SASS6: variants seen among roughly 807,000 people sequenced by gnomAD.
The protein encoded by SASS6 is SAS-6 centriolar assembly protein.
Under a neutral mutation model 94.9 loss-of-function variants are expected in SASS6, and 59 were observed. The observed-to-expected ratio is 0.62, with a 90% confidence interval of 0.50 to 0.77. The LOEUF is 0.77. Among genes scored for constraint, SASS6 ranks in the 30% least tolerant of loss-of-function variants. The pLI is 0.00. For synonymous variants in SASS6, 264 were observed against 270.0 expected (o/e 0.98, Z 0.22); for missense variants, 698 against 734.1 (o/e 0.95, Z 0.57).
At chr1:100,095,956 C>T (rs1652076395) in intron 14 of SASS6, among the ~76,000 whole-genome samples, 6 of 152,152 alleles carry the variant, frequency 3.9e-5, no homozygotes, top group Admixed American at 3.3e-4. Flanking sequence ...TTGGAAGACA[C>T]AATACTGCCA....
At chr1:100,117,909 C>A (rs1653916276) in intron 7 of SASS6, among the ~76,000 whole-genome samples, 1 of 147,714 alleles carries the variant, frequency 6.8e-6, no homozygotes, top group African/African-American at 2.5e-5. Context: ...AAAAAATAAT[C>A]CATAGAAGAA....
chr1:100,085,716 T>C, intron 15 of SASS6, 86 bp from the exon 16 acceptor site: 1 of 732,226 alleles, frequency 1.4e-6, no homozygotes, highest in South Asian at 1.8e-5. Flanking sequence ...ATATATAAGA[T>C]AATGTAACTA....
Position 100,088,152 on chromosome 1 carries a change from T to A in SASS6, c.1759A>T (p.Thr587Ser). ...TTAAGCACTTACTTTTCCTTATCAG[T>A]TGAGCAAGGCATACTAATAGTTGCT... ...SGATISMPCS[T>S]DKENGENVGL... Residue 587 changes from threonine to serine, a missense_variant, in exon 15 of 17, where the codon ACT (threonine) becomes TCT (serine). Thr to Ser is a moderately conservative substitution (Grantham distance 58). Coordinates refer to ENST00000287482, the MANE Select transcript of SASS6 (RefSeq NM_194292.3). 1 of 1,579,650 alleles carries A rather than the reference T, an allele frequency of 6.3e-7. No homozygotes were observed. The highest frequency in any genetic ancestry group is 8.7e-7 in the Non-Finnish European group (1 of 1,149,474).
chr1:100,092,570 G>T (rs539936182), intron 14 of SASS6, among the ~76,000 whole-genome samples: 259 of 151,388 alleles, frequency 1.7e-3, no homozygotes, highest in African/African-American at 5.8e-3. Context: ...GAGTTTTTTT[G>T]TGTTTTTTTG....
intron 5 of SASS6, 132 bp from the exon 6 acceptor site, chr1:100,120,591 A>G (rs1654116812): frequency 1.8e-6 from 1 of 556,918 alleles, no homozygotes. Flanking sequence ...TCTCAAATCT[A>G]AATCATTTTA....
chr1:100,092,720 C>A (rs1047007515), intron 14 of SASS6, among the ~76,000 whole-genome samples: 2 of 151,998 alleles, frequency 1.3e-5, no homozygotes, highest in African/African-American at 4.8e-5. Context: ...ACACTACAGG[C>A]GCCCACCACC....
At position 100,110,444 on chromosome 1, in the gene SASS6, T is replaced by C. The variant is rs1646048078; in HGVS notation, c.709A>G (p.Lys237Glu). The C allele has an allele frequency of 6.2e-7, 1 of 1,610,668 alleles. No homozygotes were observed. Among genetic ancestry groups the C allele is most frequent in the African/African-American group, 1.3e-5 (1 of 74,768 alleles). ...QYQQQHEQQK[K>E]DLEILHQQNI... ...TGTTGATGGAGGATTTCTAAATCTT[T>C]TTTCTGTTGTTCATGCTGCTGTTGA... The change falls in exon 8 of 17, where the codon AAA (lysine) becomes GAA (glutamate). Residue 237 changes from lysine (K) to glutamate (E), a missense_variant. By Grantham distance (56) the Lys-to-Glu change is moderately conservative. Coordinates refer to ENST00000287482, the MANE Select transcript of SASS6 (RefSeq NM_194292.3).
intron 7 of SASS6, among the ~76,000 whole-genome samples, chr1:100,113,212 A>G (rs1653489935): frequency 1.3e-5 from 2 of 152,324 alleles, no homozygotes; most frequent in Admixed American, 1.3e-4. Context: ...GTTCAACAGA[A>G]GCCCAAACTT....
intron 7 of SASS6, among the ~76,000 whole-genome samples, chr1:100,114,445 A>T (rs929214213): frequency 6.6e-6 from 1 of 151,978 alleles, no homozygotes; most frequent in Non-Finnish European, 1.5e-5. Context: ...GCACTTCAGG[A>T]GGCCAAGGCA....
chr1:100,123,452 T>G (rs1232928063), intron 2 of SASS6, among the ~76,000 whole-genome samples, 163 bp from the exon 3 acceptor site: 1 of 152,188 alleles, frequency 6.6e-6, no homozygotes, highest in African/African-American at 2.4e-5. Flanking sequence ...TTTAGAGAGT[T>G]AGAATCTTAA....
intron 14 of SASS6, chr1:100,099,092 ATTAAT>A (rs1191585282): frequency 6.6e-6 from 1 of 152,232 alleles, no homozygotes; most frequent in Non-Finnish European, 1.5e-5. Context: ...TAAATGAAAA[ATTAAT>A]TTAAACCATC....
At chr1:100,129,991 C>T (rs1654879839) in intron 1 of SASS6, among the ~76,000 whole-genome samples, 1 of 152,172 alleles carries the variant, frequency 6.6e-6, no homozygotes, top group Non-Finnish European at 1.5e-5. Flanking sequence ...GCTCTAGTCA[C>T]TGTTGTAAGC....
At chr1:100,121,322 A>G in intron 5 of SASS6, 56 bp downstream of exon 5, 1 of 1,038,852 alleles carries the variant, frequency 9.6e-7, no homozygotes, top group South Asian at 1.6e-5. Context: ...TCAATAATTT[A>G]TCAAAGACCA....
chr1:100,086,116 GAGAA>G (rs1350475347), intron 15 of SASS6, among the ~76,000 whole-genome samples: 47 of 152,208 alleles, frequency 3.1e-4, no homozygotes, highest in Admixed American at 1.9e-3. Context: ...AAATCTGGGG[GAGAA>G]AGAAGGGCAT....
chr1:100,125,903 A>T lies in SASS6; in HGVS notation c.105T>A (p.Val35=), dbSNP rs1206475887. The change falls in exon 2 of 17, where the codon GTT becomes GTA. Residue 35 remains valine (V), a synonymous_variant. Transcript: ENST00000287482. The stretch of plus-strand genomic sequence containing the variant: ...CAACCTTTCTGTGAACTGGATTAGA[A>T]ACTGATTGTAGTTCAATGCTCATTC... ...SIRMSIELQS[V]SNPVHRKDLV... is the part of the protein sequence containing the mutation. The T allele has an allele frequency of 6.4e-7, 1 of 1,557,326 alleles. No individual in the cohort carries two copies. The highest frequency in any genetic ancestry group is 2.3e-5 in the East Asian group (1 of 43,588).
At chr1:100,086,937 T>C (rs1422542364) in intron 15 of SASS6, among the ~76,000 whole-genome samples, 4 of 152,196 alleles carry the variant, frequency 2.6e-5, no homozygotes, top group Admixed American at 2.6e-4. Flanking sequence ...ATTTTGATCT[T>C]TTTTAAAAAT....
chr1:100,128,247 G>A (rs887832024), intron 1 of SASS6, among the ~76,000 whole-genome samples: 1 of 152,126 alleles, frequency 6.6e-6, no homozygotes, highest in Non-Finnish European at 1.5e-5. Flanking sequence ...ATGTTGGCCA[G>A]ACTGGTCTCA....
chr1:100,114,422 G>A (rs1037354580), intron 7 of SASS6, among the ~76,000 whole-genome samples: 6 of 151,826 alleles, frequency 4.0e-5, no homozygotes, highest in Non-Finnish European at 8.8e-5. Context: ...GGTGGTTCAT[G>A]CCTGTAATCC....
Position 100,132,823 on chromosome 1 carries a change from G to A in SASS6, c.-9C>T. 6.2e-7 allele frequency: 1 copy of A among 1,613,010 alleles called. No individual in the cohort carries two copies. Among genetic ancestry groups the A allele is most frequent in the South Asian group, 1.1e-5 (1 of 91,078 alleles). On this transcript the variant is annotated 5_prime_UTR_variant, in exon 1 of 17. Coordinates refer to ENST00000287482, the MANE Select transcript of SASS6 (RefSeq NM_194292.3). Reference sequence around the variant, plus strand: ...AACAGCACTTGGCTCATGTTGGCTCGCTGCCTCGGCTGGTGTGCAGAAAAG... The same window carrying A: ...AACAGCACTTGGCTCATGTTGGCTCACTGCCTCGGCTGGTGTGCAGAAAAG...
Sources: gnomAD v4.1 joint callset for allele counts (sites outside exome capture counted in the v4.1 genomes callset) on GRCh38, gnomAD v4.1.1 for gene constraint, MANE v1.5 for transcripts, NCBI Gene and HGNC (gene_info 2026-07-23, HGNC 2026-07-21) for gene names.